Variants in SHPRH observed in about 807,000 individuals in gnomAD.
SHPRH encodes SNF2 histone linker PHD RING helicase.
In SHPRH, 106 loss-of-function variants were observed where a neutral mutation model predicts 202.5. That is an observed-to-expected ratio of 0.52 (90% CI 0.45 to 0.62). The LOEUF (loss-of-function observed/expected upper bound fraction) is 0.62, where lower values mean the gene tolerates loss of function less well. SHPRH is among the 20% of genes least tolerant of loss of function. The pLI is 0.00. For synonymous variants in SHPRH, 729 were observed against 686.0 expected (o/e 1.06, Z -0.98); for missense variants, 1,710 against 2,020.0 (o/e 0.85, Z 2.94).
chr6:145,864,341 T>A (rs1200156984), exon 3 of SHPRH: 1 of 411,866 alleles, frequency 2.4e-6, no homozygotes, highest in African/African-American at 2.1e-5. Context: ...AAAAAGATGA[T>A]AAAAAACAAA....
intron 3 of SHPRH, among the ~76,000 whole-genome samples, chr6:145,951,227 C>T (rs1237462477): frequency 1.3e-5 from 2 of 152,066 alleles, no homozygotes; most frequent in Admixed American, 6.6e-5. Context: ...TTACAAACTC[C>T]TTTCAGCTAA....
At position 145,922,189 on chromosome 6, in the gene SHPRH, A is replaced by G. The variant is rs1350458620; in HGVS notation, c.3782+97T>C. On this transcript the variant is annotated intron_variant, in intron 20 of 29. Transcript: ENST00000275233. ...TTTAATTAAAGAAACAATATAATAA[A>G]GGTTACTGTGGGGGAAAACATAGTC... is the stretch of plus-strand genomic sequence containing the variant. 3.9e-6 allele frequency: 4 copies of G among 1,016,682 alleles called. No individual in the cohort carries two copies. In the African/African-American group the frequency reaches 6.8e-5, roughly 17 times the overall value. The allele number at this position is 1,016,682 out of a possible 1,614,324, so 63.0% of individuals were successfully genotyped here.
intron 23 of SHPRH, among the ~76,000 whole-genome samples, chr6:145,915,578 T>G (rs953340981): frequency 1.3e-4 from 20 of 152,188 alleles, no homozygotes; most frequent in Non-Finnish European, 2.2e-4. Context: ...GTTGGCTGTT[T>G]TTTTCTTTTA....
chr6:145,913,442 T>C, intron 24 of SHPRH, 36 bp downstream of exon 24: 1 of 1,560,022 alleles, frequency 6.4e-7, no homozygotes, highest in Non-Finnish European at 8.8e-7. Context: ...CTGTAAGGTA[T>C]TTTATAAATG....
intron 28 of SHPRH, among the ~76,000 whole-genome samples, chr6:145,889,325 C>A (rs1279671350): frequency 6.6e-6 from 1 of 152,048 alleles, no homozygotes; most frequent in African/African-American, 2.4e-5. Flanking sequence ...ATCAACCAGA[C>A]AGGTTGACAG....
chr6:145,955,907 A>G (rs1043823144), intron 1 of SHPRH, among the ~76,000 whole-genome samples: 1 of 152,166 alleles, frequency 6.6e-6, no homozygotes, highest in African/African-American at 2.4e-5. Flanking sequence ...TATTCTCAAT[A>G]TGTTAAAGGT....
chr6:145,881,884 G>A (rs748173326), downstream of SHPRH, among the ~76,000 whole-genome samples: 3 of 151,952 alleles, frequency 2.0e-5, no homozygotes, highest in Admixed American at 6.6e-5. Flanking sequence ...CAGGTGGATC[G>A]CTTGAACCCA....
intron 25 of SHPRH, 150 bp downstream of exon 25, chr6:145,910,298 G>A (rs896925778): frequency 2.5e-6 from 2 of 798,932 alleles, no homozygotes; most frequent in Non-Finnish European, 4.0e-6. Context: ...TGGTTAAGCT[G>A]AGGCTTTCAG....
intron 20 of SHPRH, 82 bp downstream of exon 20, chr6:145,922,203 GA>G: frequency 2.5e-6 from 3 of 1,181,490 alleles, no homozygotes; most frequent in Admixed American, 5.0e-5. Context: ...TACTGTGGGG[GA>G]AAACATAGTC....
intron 14 of SHPRH, among the ~76,000 whole-genome samples, chr6:145,928,095 T>C (rs1444564527): frequency 6.6e-6 from 1 of 151,992 alleles, no homozygotes; most frequent in Non-Finnish European, 1.5e-5. Flanking sequence ...TCAGGGTCCA[T>C]AGTTTTATTA....
At chr6:145,871,236 T>TA (rs1780040842) in intron 2 of SHPRH, 3 of 151,882 alleles carry the variant, frequency 2.0e-5, no homozygotes, top group Non-Finnish European at 4.4e-5. Context: ...AAATGAAGAG[T>TA]ATTTAAATGG....
intron 1 of SHPRH, among the ~76,000 whole-genome samples, chr6:145,962,660 AC>A (rs1435814111): frequency 6.6e-6 from 1 of 152,204 alleles, no homozygotes; most frequent in African/African-American, 2.4e-5. Flanking sequence ...TAAAAGATAC[AC>A]ACAAATCTTG....
intron 1 of SHPRH, among the ~76,000 whole-genome samples, chr6:145,957,818 T>C (rs566609000): frequency 6.6e-6 from 1 of 152,286 alleles, no homozygotes; most frequent in South Asian, 2.1e-4. Context: ...TAGTAATCCC[T>C]CTCTTAGGTA....
chr6:145,944,111 C>CTAG (rs1787103742), intron 8 of SHPRH, among the ~76,000 whole-genome samples: 1 of 152,142 alleles, frequency 6.6e-6, no homozygotes, highest in Non-Finnish European at 1.5e-5. Flanking sequence ...CAATACAAGA[C>CTAG]TAGTACTTTT....
chr6:145,918,141 T>C lies in SHPRH; in HGVS notation c.4244A>G (p.Asn1415Ser). The change falls in exon 23 of 30, where the codon AAT (asparagine) becomes AGT (serine). Residue 1415 changes from asparagine (N) to serine (S), a missense_variant. This residue lies in a region of SHPRH where 306 missense variants were observed against 479.5 expected (regional missense o/e 0.64). Coordinates refer to ENST00000275233, the MANE Select transcript of SHPRH (RefSeq NM_001042683.3). ...KKLGQLLYLT[N>S]LEKSQDKTSG... ...TCTTAGAAACAATACCTTCTCCAAA[T>C]TAGTTAGGTAAAGAAGCTGCCCAAG... 1 of 1,606,796 alleles carries C rather than the reference T, an allele frequency of 6.2e-7. No individual in the cohort carries two copies.
chr6:145,887,880 A>G, intron 29 of SHPRH, 140 bp downstream of exon 29: 1 of 635,402 alleles, frequency 1.6e-6, no homozygotes, highest in South Asian at 2.0e-5. Flanking sequence ...GAAACAGTGA[A>G]AAGGCAAAAC....
At chr6:145,921,785 A>G (rs186387793) in intron 20 of SHPRH, among the ~76,000 whole-genome samples, 317 of 152,128 alleles carry the variant, frequency 2.1e-3, no homozygotes, top group Middle Eastern at 3.4e-3. Flanking sequence ...AAAAGATTTG[A>G]CCTAAAATAG....
At position 145,884,935 on chromosome 6, in the gene SHPRH, ATTG is replaced by A. The variant is rs1434886369; in HGVS notation, c.*1753_*1755del. The A allele has an allele frequency of 2.6e-5, 4 of 152,300 alleles. No homozygotes were observed. Among genetic ancestry groups the A allele is most frequent in the Non-Finnish European group, 5.9e-5 (4 of 68,012 alleles). The allele number at this position is 152,300 out of a possible 1,614,324, so 9.4% of individuals were successfully genotyped here. On this transcript the variant is annotated 3_prime_UTR_variant, in exon 30 of 30. Coordinates refer to ENST00000275233, the MANE Select transcript of SHPRH (RefSeq NM_001042683.3). ...ATTTTACAAAATTGAAGCATATCAA[ATTG>A]TTTTCTCTAAAACATAGCTCAGAAA...
intron 1 of SHPRH, among the ~76,000 whole-genome samples, chr6:145,956,050 A>G (rs1788472212): frequency 6.6e-6 from 1 of 152,154 alleles, no homozygotes. Context: ...TAGAAATGGC[A>G]AAGAAAAAAA....
Sources: allele counts gnomAD v4.1 joint callset (sites outside exome capture counted in the v4.1 genomes callset), GRCh38; gene constraint gnomAD v4.1.1; regional missense constraint gnomAD v4.1.1; transcripts MANE v1.5; gene names NCBI Gene and HGNC (gene_info 2026-07-23, HGNC 2026-07-21).